Variants in PHIP observed in about 807,000 individuals in gnomAD.
PHIP encodes the protein PH-interacting protein.
A neutral mutation model predicts 236.8 loss-of-function variants in PHIP; 54 were observed. The ratio of observed to expected loss-of-function variants is 0.23; its 90% confidence interval spans 0.18 to 0.29. PHIP has a LOEUF of 0.29. Among genes scored for constraint, PHIP ranks in the 10% least tolerant of loss-of-function variants. PHIP has a pLI of 1.00. For missense variants in PHIP, 1,370 were observed against 2,190.8 expected, an observed-to-expected ratio of 0.63 and a Z score of 7.48; for synonymous variants, 756 against 718.9, an observed-to-expected ratio of 1.05 and a Z score of -0.83.
In PHIP at chr6:79,014,569, A is replaced by T. The variant is rs189103570; in HGVS notation, c.1524+513T>A. Among the ~76,000 whole-genome samples the T allele has an allele frequency of 6.3e-4, 96 of 151,894 alleles. 1 individual carries two copies. The South Asian group carries it at 8.1e-3, about 13-fold the overall frequency. ...ACATTGTAATTCAAATACTTGGCCA[A>T]TTATGTTAACATCTAAGAAACAAAA... On this transcript the variant is annotated intron_variant, in intron 15 of 39. Coordinates refer to ENST00000275034, the MANE Select transcript of PHIP (RefSeq NM_017934.7).
intron 4 of PHIP, among the ~76,000 whole-genome samples, chr6:79,073,036 C>CG (rs1157533549): frequency 6.6e-6 from 1 of 152,086 alleles, no homozygotes; most frequent in Non-Finnish European, 1.5e-5. Flanking sequence ...AAAACAGACT[C>CG]CCTCAATACG....
At chr6:79,065,577 CCTTTG>C (rs939782242) in intron 4 of PHIP, among the ~76,000 whole-genome samples, 10 of 152,104 alleles carry the variant, frequency 6.6e-5, no homozygotes, top group African/African-American at 2.2e-4. Flanking sequence ...AATGTAACTT[CCTTTG>C]TTTTTCTATA....
intron 6 of PHIP, among the ~76,000 whole-genome samples, chr6:79,058,377 T>C (rs867832412): frequency 1.3e-5 from 2 of 152,078 alleles, no homozygotes; most frequent in South Asian, 2.1e-4. Flanking sequence ...TTGTCAGCAG[T>C]ATTTACTAAT....
chr6:78,966,763 A>AAGGAACTG (rs1207052464), intron 27 of PHIP, among the ~76,000 whole-genome samples: 1 of 152,188 alleles, frequency 6.6e-6, no homozygotes, highest in African/African-American at 2.4e-5. Flanking sequence ...CTTCTGTGTC[A>AAGGAACTG]TAAGAAAACT....
chr6:79,030,328 A>G (rs980666524), intron 7 of PHIP, among the ~76,000 whole-genome samples: 3 of 152,224 alleles, frequency 2.0e-5, no homozygotes, highest in African/African-American at 7.2e-5. Context: ...AAATACCTCA[A>G]CTGACATAGT....
rs1562181471 is a variant in PHIP at position 79,016,633 on chromosome 6, A to G, written c.1146T>C (p.Ser382=). The G allele has an allele frequency of 1.9e-6, 3 of 1,605,682 alleles. No individual in the cohort carries two copies. Among genetic ancestry groups the G allele is most frequent in the Non-Finnish European group, 2.6e-6 (3 of 1,173,342 alleles). ...QFSNTSNRFV[S]GSRDGTARIW... ...TACGTGCTGTCCCATCACGACTGCC[A>G]CTTACAAACCTGTATTAAAAGGAAT... is the stretch of plus-strand genomic sequence containing the variant. The change falls in exon 13 of 40, where the codon AGT becomes AGC. Residue 382 remains serine (S), a synonymous_variant. Coordinates refer to ENST00000275034, the MANE Select transcript of PHIP (RefSeq NM_017934.7).
intron 4 of PHIP, among the ~76,000 whole-genome samples, chr6:79,064,775 T>C (rs949443130): frequency 6.6e-6 from 1 of 152,184 alleles, no homozygotes; most frequent in East Asian, 1.9e-4. Context: ...AGATCCTCTT[T>C]TCTTCTCACT....
At chr6:79,071,920 T>A (rs984397687) in intron 4 of PHIP, among the ~76,000 whole-genome samples, 8 of 151,838 alleles carry the variant, frequency 5.3e-5, no homozygotes, top group Non-Finnish European at 1.2e-4. Flanking sequence ...TATTTTCTTA[T>A]TATTCATCCA....
intron 4 of PHIP, among the ~76,000 whole-genome samples, chr6:79,072,587 G>A (rs564720926): frequency 2.6e-5 from 4 of 152,002 alleles, no homozygotes; most frequent in Admixed American, 6.5e-5. Context: ...GGGCTCAGGC[G>A]ATCCTCTCAC....
rs1263096426 is a variant in PHIP at position 78,988,344 on chromosome 6, A to G, written c.2325T>C (p.His775=). 17 of 1,578,484 alleles carry G rather than the reference A, an allele frequency of 1.1e-5. No homozygotes were observed. The highest frequency in any genetic ancestry group is 1.5e-5 in the Non-Finnish European group (17 of 1,163,504). Reference sequence around the variant, plus strand: ...CAAGATCCAGGAAATGCTCATGAGCATGATTCTAGAAAAAAATAAATTAAA... The same window carrying G: ...CAAGATCCAGGAAATGCTCATGAGCGTGATTCTAGAAAAAAATAAATTAAA... The part of the protein sequence containing the change: ...ENKIPTVSKN[H]AHEHFLDLGE... The change falls in exon 21 of 40, where the codon CAT becomes CAC. Residue 775 remains histidine, a synonymous_variant. Coordinates refer to ENST00000275034, the MANE Select transcript of PHIP (RefSeq NM_017934.7).
intron 6 of PHIP, among the ~76,000 whole-genome samples, chr6:79,044,948 G>C (rs1033365718): frequency 1.3e-5 from 2 of 151,790 alleles, no homozygotes; most frequent in South Asian, 4.1e-4. Context: ...TTTCATTTTG[G>C]AAGCCAATTG....
chr6:79,008,206 C>G (rs1311686418), intron 15 of PHIP, among the ~76,000 whole-genome samples: 1 of 151,240 alleles, frequency 6.6e-6, no homozygotes, highest in Non-Finnish European at 1.5e-5. Context: ...AAAAAAAATC[C>G]AAATTCCAAC....
chr6:79,066,851 T>C (rs1366208631), intron 4 of PHIP, among the ~76,000 whole-genome samples: 2 of 152,170 alleles, frequency 1.3e-5, no homozygotes, highest in African/African-American at 4.8e-5. Context: ...CATGTATCAG[T>C]AGTGCTCAAA....
chr6:78,946,473 GC>G, intron 37 of PHIP: 1 of 1,398,118 alleles, frequency 7.2e-7, no homozygotes, highest in Admixed American at 3.3e-5. Flanking sequence ...AAAGCATGAT[GC>G]CATCACTATC....
In PHIP at chr6:79,005,213, T is replaced by C. The variant is rs115740545; in HGVS notation, c.1525-1355A>G. ...GAAATGAATCATAAGTGAAACAGGATTATATCTCGAGTGTGAAGAAAGTTG... is the reference window on the plus strand; with the variant it reads ...GAAATGAATCATAAGTGAAACAGGACTATATCTCGAGTGTGAAGAAAGTTG... On this transcript the variant is annotated intron_variant, in intron 15 of 39. Transcript: ENST00000275034. 5.9e-3 allele frequency among the ~76,000 whole-genome samples: 896 copies of C among 152,022 alleles called. 4 individuals carry two copies. The highest frequency in any genetic ancestry group is 0.02 in the African/African-American group (826 of 41,520).
Position 78,955,681 on chromosome 6 carries a change from C to A in PHIP, c.3784G>T (p.Asp1262Tyr). The A allele has an allele frequency of 2.0e-6, 2 of 978,046 alleles. No homozygotes were observed. The highest frequency in any genetic ancestry group is 3.1e-6 in the Non-Finnish European group (2 of 640,530). 60.6% of individuals were successfully genotyped at this position (978,046 alleles called of 1,614,324 possible). The change falls in exon 33 of 40, where the codon GAT becomes TAT. Residue 1262 changes from aspartate to tyrosine, a missense_variant and splice_region_variant. Transcript: ENST00000275034. ...GGAATTATGTTATAACAAGTCTGAT[C>A]CCTACATAACAAGGAAATGTTAACA... is the stretch of plus-strand genomic sequence containing the variant. ...VTDLLLHFIK[D>Y]QTCYNIIPLY...
At chr6:78,995,428 T>C (rs1211243974) in intron 19 of PHIP, among the ~76,000 whole-genome samples, 1 of 152,228 alleles carries the variant, frequency 6.6e-6, no homozygotes, top group Non-Finnish European at 1.5e-5. Flanking sequence ...TGTTTAGGAT[T>C]TTAGGAAAGT....
rs756748974 is a variant in PHIP at position 79,003,719 on chromosome 6, T to C, written c.1653+11A>G. ...AAAATAAGGACATGATATATAGTCATCATACTCTACCTTGTCATATTTGCT... is the reference window on the plus strand; with the variant it reads ...AAAATAAGGACATGATATATAGTCACCATACTCTACCTTGTCATATTTGCT... On this transcript the variant is annotated intron_variant, in intron 16 of 39. Transcript: ENST00000275034. 2.5e-6 allele frequency: 4 copies of C among 1,588,892 alleles called. No homozygotes were observed. The Admixed American group carries it at 5.5e-5, about 22-fold the overall frequency.
At chr6:78,981,246 T>C (rs1258301992) in intron 23 of PHIP, among the ~76,000 whole-genome samples, 1 of 151,992 alleles carries the variant, frequency 6.6e-6, no homozygotes, top group Non-Finnish European at 1.5e-5. Flanking sequence ...GCTCAAATCT[T>C]ATTTCCTCTA....
Sources: allele counts gnomAD v4.1 joint callset (sites outside exome capture counted in the v4.1 genomes callset), GRCh38; gene constraint gnomAD v4.1.1; transcripts MANE v1.5; gene names NCBI Gene and HGNC (gene_info 2026-07-23, HGNC 2026-07-21).